AZIN2: variants seen among roughly 807,000 people sequenced by gnomAD.
AZIN2 encodes the protein antizyme inhibitor 2, also known as ODC antizyme inhibitor-2.
A neutral mutation model predicts 47.8 loss-of-function variants in AZIN2; 28 were observed. The observed-to-expected ratio is 0.59, with a 90% confidence interval of 0.43 to 0.80. The LOEUF is 0.80. Among genes scored for constraint, AZIN2 ranks in the 30% least tolerant of loss-of-function variants. AZIN2 has a pLI of 0.00. For synonymous variants in AZIN2, 221 were observed against 239.4 expected (o/e 0.92, Z 0.71); for missense variants, 535 against 582.5 (o/e 0.92, Z 0.84).
At chr1:33,136,451 C>T in the AZIN2 span, among the ~76,000 whole-genome samples, 2 of 151,848 alleles carry the variant, frequency 1.3e-5, no homozygotes, top group Middle Eastern at 3.2e-3. Context: ...TCACTGCAAT[C>T]TCTGCCTCCC....
At chr1:33,138,086 G>A in the AZIN2 span, among the ~76,000 whole-genome samples, 2 of 152,210 alleles carry the variant, frequency 1.3e-5, no homozygotes, top group African/African-American at 4.8e-5. Flanking sequence ...GGTGGAGGAG[G>A]CAAGTGCTCA....
At chr1:33,162,587 AG>A in the AZIN2 span, among the ~76,000 whole-genome samples, 1 of 152,116 alleles carries the variant, frequency 6.6e-6, no homozygotes, top group African/African-American at 2.4e-5. Flanking sequence ...GGGGTGAAGG[AG>A]GGAAGAGTCT....
At chr1:33,165,586 G>T in the AZIN2 span, 1 of 1,591,262 alleles carries the variant, frequency 6.3e-7, no homozygotes. The surrounding 1 kb of genome is among the most constrained non-coding windows in gnomAD (Gnocchi z 4.0). Flanking sequence ...ACACAGGGCC[G>T]GGATGGGGGC....
Position 33,094,615 on chromosome 1 carries a change from G to A in AZIN2, c.655G>A (p.Val219Met), listed in dbSNP as rs141134478. 9.3e-6 allele frequency: 15 copies of A among 1,614,148 alleles called. No homozygotes were observed. The highest frequency in any genetic ancestry group is 1.7e-5 in the Admixed American group (1 of 60,018). Residue 219 changes from valine (V) to methionine (M), a missense_variant, in exon 8 of 12, where the codon GTG becomes ATG. Transcript: ENST00000294517. The part of the protein sequence containing the change: ...YAQSIADARL[V>M]FEMGTELGHK... The stretch of plus-strand genomic sequence containing the variant: ...TCAGTCCATCGCAGACGCCCGGCTC[G>A]TGTTTGAAATGGGCACCGAGCTGGG...
chr1:33,138,674 T>C, the AZIN2 span, among the ~76,000 whole-genome samples: 1 of 150,936 alleles, frequency 6.6e-6, no homozygotes, highest in East Asian at 2.0e-4. Flanking sequence ...GTAAACCTTA[T>C]CCTCAAAATG....
rs549514211 is a variant in AZIN2, at chr1:33,096,189, A to G, written c.754-518A>G. Among the ~76,000 whole-genome samples, 4 of 152,312 alleles carry G rather than the reference A, an allele frequency of 2.6e-5. No individual in the cohort carries two copies. In the South Asian group the frequency reaches 8.3e-4, roughly 32 times the overall value. The stretch of plus-strand genomic sequence containing the variant: ...ATAAGGAAGGGAAAATGTATTTACT[A>G]TTCATTAAGTGGAAGTGGATCATCA... On this transcript the variant is annotated intron_variant, in intron 8 of 11. Coordinates refer to ENST00000294517, the MANE Select transcript of AZIN2 (RefSeq NM_052998.4).
chr1:33,119,188 CA>C, intron 11 of AZIN2: 1 of 153,044 alleles, frequency 6.5e-6, no homozygotes, highest in Non-Finnish European at 1.5e-5. Context: ...TGTAAGAGCC[CA>C]AAAGGTGGCC....
chr1:33,162,176 C>A, the AZIN2 span, among the ~76,000 whole-genome samples: 1 of 152,188 alleles, frequency 6.6e-6, no homozygotes, highest in Non-Finnish European at 1.5e-5. Context: ...AGTTTAGGAA[C>A]CTTCTTTAGC....
At chr1:33,144,085 C>G in the AZIN2 span, among the ~76,000 whole-genome samples, 1 of 152,046 alleles carries the variant, frequency 6.6e-6, no homozygotes, top group Non-Finnish European at 1.5e-5. Flanking sequence ...ATAGCCCAGA[C>G]ACACTCTTAC....
chr1:33,098,030 G>T (rs749385320), intron 9 of AZIN2, 37 bp from the exon 10 acceptor site: 2 of 1,509,094 alleles, frequency 1.3e-6, no homozygotes, highest in African/African-American at 1.4e-5. Context: ...CCCTCACATT[G>T]CTACTTGTGC....
chr1:33,091,380 C>T (rs1642532869), intron 5 of AZIN2, among the ~76,000 whole-genome samples: 1 of 152,182 alleles, frequency 6.6e-6, no homozygotes, highest in Admixed American at 6.5e-5. Flanking sequence ...GCTGGAACTA[C>T]AGGCATGTAC....
intron 10 of AZIN2, among the ~76,000 whole-genome samples, chr1:33,106,938 T>C (rs942214307): frequency 3.3e-5 from 5 of 152,240 alleles, no homozygotes; most frequent in African/African-American, 1.2e-4. Context: ...GTCATCCAAA[T>C]GGGAAAGGGA....
the AZIN2 span, chr1:33,163,693 G>A: frequency 6.6e-6 from 1 of 152,422 alleles, no homozygotes; most frequent in Non-Finnish European, 1.5e-5. Context: ...CCCCGCCAGG[G>A]CGCCGACCAA....
the AZIN2 span, chr1:33,165,611 G>T: frequency 6.6e-7 from 1 of 1,526,342 alleles, no homozygotes; most frequent in Non-Finnish European, 8.9e-7. The surrounding 1 kb of genome is among the most constrained non-coding windows in gnomAD (Gnocchi z 4.0). Context: ...GCCATGCCTG[G>T]CCCAGGCATT....
intron 4 of AZIN2, chr1:33,083,082 T>C (rs1399131429): frequency 6.6e-6 from 1 of 152,636 alleles, no homozygotes; most frequent in East Asian, 1.9e-4. Context: ...CTATTTTCTT[T>C]CTCCATGCCC....
the AZIN2 span, among the ~76,000 whole-genome samples, chr1:33,154,722 C>G: frequency 2.6e-5 from 4 of 151,446 alleles, no homozygotes; most frequent in Admixed American, 2.6e-4. Context: ...CGCCTGAACC[C>G]AGGAGGCAGA....
the AZIN2 span, among the ~76,000 whole-genome samples, chr1:33,155,736 G>C: frequency 6.6e-6 from 1 of 152,112 alleles, no homozygotes; most frequent in African/African-American, 2.4e-5. Flanking sequence ...CTCTATCCAG[G>C]TCTCTCCTCT....
chr1:33,165,724 G>A, the AZIN2 span: 877 of 529,580 alleles, frequency 1.7e-3, 9 homozygotes, highest in African/African-American at 0.016. The surrounding 1 kb of genome is among the most constrained non-coding windows in gnomAD (Gnocchi z 4.0). Context: ...GTCCTGTAGA[G>A]TCTGTCTCCT....
In AZIN2 at chr1:33,120,028, C is replaced by A; in HGVS notation, c.1245-16C>A. 1 of 1,613,402 alleles carries A rather than the reference C, an allele frequency of 6.2e-7. No homozygotes were observed. Among genetic ancestry groups the A allele is most frequent in the Non-Finnish European group, 8.5e-7 (1 of 1,179,880 alleles). On this transcript the variant is annotated splice_polypyrimidine_tract_variant and intron_variant, in intron 11 of 11. Coordinates refer to ENST00000294517, the MANE Select transcript of AZIN2 (RefSeq NM_052998.4). ...TCCCATGCTGGCTACTTGCAGCACC[C>A]CTCTCTCACCCCTAGGGAAGCGCTG... is the stretch of plus-strand genomic sequence containing the variant.
Sources: gnomAD v4.1 joint callset for allele counts (sites outside exome capture counted in the v4.1 genomes callset) on GRCh38, gnomAD v4.1.1 for gene constraint, Gnocchi (gnomAD v3.1) non-coding constraint, MANE v1.5 for transcripts, NCBI Gene and HGNC (gene_info 2026-07-23, HGNC 2026-07-21) for gene names.